ZNF821: variants seen among roughly 807,000 people sequenced by gnomAD.
The protein encoded by ZNF821 is zinc finger protein 821.
Under a neutral mutation model 44.3 loss-of-function variants are expected in ZNF821, and 16 were observed. The ratio of observed to expected loss-of-function variants is 0.36; its 90% CI spans 0.24 to 0.55. The LOEUF is 0.55. ZNF821 is among the 20% of genes least tolerant of loss of function. ZNF821 has a pLI of 0.86. For missense variants in ZNF821, 436 were observed against 547.6 expected (o/e 0.80, Z 2.03); for synonymous variants, 204 against 197.6 (o/e 1.03, Z -0.27).
At position 71,861,113 on chromosome 16, in the gene ZNF821, C is replaced by CA. The variant is rs1470029728; in HGVS notation, c.585-442dup. The stretch of plus-strand genomic sequence containing the variant: ...TTGTGATCCACCCGCCTCGGCCTCC[C>CA]AAAGTGCTGGGATTACAGGCGTGAG... On this transcript the variant is annotated intron_variant, in intron 7 of 7. Transcript: ENST00000425432. Among the ~76,000 whole-genome samples, 17 of 152,266 alleles carry CA rather than the reference C, an allele frequency of 1.1e-4. No individual in the cohort carries two copies. The East Asian group carries it at 3.3e-3, about 29-fold the overall frequency.
chr16:71,869,049 C>G (rs2034884003), intron 3 of ZNF821, among the ~76,000 whole-genome samples: 1 of 152,078 alleles, frequency 6.6e-6, no homozygotes, highest in Admixed American at 6.6e-5. Flanking sequence ...TGCTTGGGAT[C>G]CATGAGGCTA....
chr16:71,859,973 G>C lies in ZNF821; in HGVS notation c.*45C>G, dbSNP rs752039562. The C allele has an allele frequency of 4.7e-6, 7 of 1,503,596 alleles. No individual in the cohort carries two copies. The highest frequency in any genetic ancestry group is 2.1e-5 in the Admixed American group (1 of 47,802). 93.1% of individuals were successfully genotyped at this position (1,503,596 alleles called of 1,614,324 possible). A position where few individuals can be genotyped will look rare whatever the true frequency, so the allele number is the denominator to read the frequency against. On this transcript the variant is annotated 3_prime_UTR_variant, in exon 8 of 8. Coordinates refer to ENST00000425432, the MANE Select transcript of ZNF821 (RefSeq NM_001201552.2). ...GGTCCTCGTGGCTGTGGGTGTGGGT[G>C]GGTGGGTAGGTAGGTGGGAAGGAGG... is the stretch of plus-strand genomic sequence containing the variant.
At chr16:71,869,496 T>C (rs2142391968) in intron 3 of ZNF821, among the ~76,000 whole-genome samples, 2 of 152,364 alleles carry the variant, frequency 1.3e-5, no homozygotes, top group East Asian at 3.9e-4. Context: ...CCAGGCTCTA[T>C]GGTGTTTTGT....
In ZNF821 at chr16:71,864,807, T is replaced by C. The variant is rs905418222; in HGVS notation, c.312+96A>G. On this transcript the variant is annotated intron_variant, in intron 5 of 7. Transcript: ENST00000425432. ...CCTCCCATGCAGGCCCAGGAGACCA[T>C]CAGAGGCAAGACTGTGCCACAGGGG... is the stretch of plus-strand genomic sequence containing the variant. 2.7e-5 allele frequency: 41 copies of C among 1,511,460 alleles called. 1 individual carries two copies. In the South Asian group the frequency reaches 5.2e-4, roughly 19 times the overall value. 93.6% of individuals were successfully genotyped at this position (1,511,460 alleles called of 1,614,324 possible). A position where few individuals can be genotyped will look rare whatever the true frequency, so the allele number is the denominator to read the frequency against.
At chr16:71,893,641 A>G (rs2036907572) in intron 1 of ZNF821, among the ~76,000 whole-genome samples, 1 of 140,912 alleles carries the variant, frequency 7.1e-6, no homozygotes, top group Non-Finnish European at 1.5e-5. Flanking sequence ...TTGTATTTTT[A>G]GTAGAGACGG....
intron 7 of ZNF821, 82 bp downstream of exon 7, chr16:71,861,694 T>C (rs2033915815): frequency 6.4e-7 from 1 of 1,564,256 alleles, no homozygotes; most frequent in African/African-American, 1.3e-5. Flanking sequence ...TACCTATTTC[T>C]AGCCTTCGCT....
In ZNF821 at chr16:71,859,831, G is replaced by A; in HGVS notation, c.*187C>T. ...CTTGTCCAGAGCTGCCTTGAGCCAG[G>A]TCCCTCCTGACCCCATCATCCTGTT... On this transcript the variant is annotated 3_prime_UTR_variant, in exon 8 of 8. Transcript: ENST00000425432. The A allele has an allele frequency of 1.5e-6, 1 of 670,180 alleles. No homozygotes were observed. Among genetic ancestry groups the A allele is most frequent in the Non-Finnish European group, 2.5e-6 (1 of 406,590 alleles). 41.5% of individuals were successfully genotyped at this position (670,180 alleles called of 1,614,324 possible). A position where few individuals can be genotyped will look rare whatever the true frequency, so the allele number is the denominator to read the frequency against.
chr16:71,894,621 G>A, intron 1 of ZNF821: 1 of 516,302 alleles, frequency 1.9e-6, no homozygotes, highest in South Asian at 2.2e-5. Flanking sequence ...GACCTTCTGG[G>A]CTCAAGCGAT....
intron 6 of ZNF821, 142 bp downstream of exon 6, chr16:71,863,996 C>G: frequency 1.4e-6 from 1 of 736,314 alleles, no homozygotes. Flanking sequence ...CTGCGCCCAG[C>G]CTCCCTAAGA....
At chr16:71,889,265 A>C (rs1040850748), upstream of ZNF821, among the ~76,000 whole-genome samples, 4 of 152,144 alleles carry the variant, frequency 2.6e-5, no homozygotes, top group African/African-American at 9.7e-5. Flanking sequence ...ATGAAAAGAA[A>C]ATATATGATG....
intron 3 of ZNF821, among the ~76,000 whole-genome samples, chr16:71,869,845 C>T (rs2034989861): frequency 6.6e-6 from 1 of 152,046 alleles, no homozygotes; most frequent in Admixed American, 6.6e-5. Flanking sequence ...CTGTGTTGTC[C>T]AGGCTGATCT....
intron 1 of ZNF821, among the ~76,000 whole-genome samples, chr16:71,889,982 A>G (rs191533844): frequency 1.3e-5 from 2 of 152,134 alleles, no homozygotes; most frequent in Admixed American, 1.3e-4. Flanking sequence ...AAACAAAAAC[A>G]AAAAAATGAT....
upstream of ZNF821, chr16:71,885,460 G>A (rs1297982303): frequency 6.6e-6 from 1 of 152,234 alleles, no homozygotes. Flanking sequence ...TTTACTCTCC[G>A]AGGGTTGTTG....
chr16:71,860,107 A>G lies in ZNF821; in HGVS notation c.1150T>C (p.Phe384Leu), dbSNP rs1448520317. The change falls in exon 8 of 8, where the codon TTC becomes CTC. Residue 384 changes from phenylalanine to leucine, a missense_variant. By Grantham distance (22) the Phe-to-Leu change is conservative. Around this residue, in one of 5 missense-constraint regions of ZNF821, gnomAD observed 55 missense variants for 56.9 expected, o/e 0.97. Transcript: ENST00000425432. The surrounding 1 kb of genome is among the most constrained non-coding windows in gnomAD (Gnocchi z 7.3). Reference sequence around the variant, plus strand: ...TCCACCCCACTTACAGGCAGCTGGAAGAAGTTCATTTCAGCTGCTAAGGCT... The same window carrying G: ...TCCACCCCACTTACAGGCAGCTGGAGGAAGTTCATTTCAGCTGCTAAGGCT... ...MAALAAEMNF[F>L]QLPVSGVELD... 1 of 1,614,252 alleles carries G rather than the reference A, an allele frequency of 6.2e-7. No individual in the cohort carries two copies. Among genetic ancestry groups the G allele is most frequent in the Non-Finnish European group, 8.5e-7 (1 of 1,180,034 alleles).
intron 2 of ZNF821, among the ~76,000 whole-genome samples, chr16:71,881,027 A>T (rs2036366488): frequency 6.6e-6 from 1 of 152,210 alleles, no homozygotes; most frequent in Non-Finnish European, 1.5e-5. Context: ...TCTTAGAAAG[A>T]GTGAATAAAG....
chr16:71,870,634 C>G (rs1016218204), intron 3 of ZNF821, among the ~76,000 whole-genome samples: 1 of 151,990 alleles, frequency 6.6e-6, no homozygotes, highest in African/African-American at 2.4e-5. Context: ...TGCCCAGTAC[C>G]ACGCCTGGCT....
At chr16:71,863,199 GTTAACTAATTTTCTTTTCT>G (rs2142353506) in intron 6 of ZNF821, among the ~76,000 whole-genome samples, 1 of 151,970 alleles carries the variant, frequency 6.6e-6, no homozygotes, top group Non-Finnish European at 1.5e-5. Context: ...CCTGGCCCAT[GTTAACTAATTTTCTTTTCT>G]TTAACACAAA....
In ZNF821 at chr16:71,860,430, C is replaced by A; in HGVS notation, c.827G>T (p.Arg276Leu). ...PLEVRLQRLE[R>L]ERTAKKSRRD... is the part of the protein sequence containing the mutation. ...CCGGCTCTTCTTGGCCGTGCGCTCTCGTTCCAGCCGCTGCAGCCGTACTTC... is the reference window on the plus strand; with the variant it reads ...CCGGCTCTTCTTGGCCGTGCGCTCTAGTTCCAGCCGCTGCAGCCGTACTTC... The change falls in exon 8 of 8, where the codon CGA becomes CTA. Residue 276 changes from arginine to leucine, a missense_variant. Around this residue, in one of 5 missense-constraint regions of ZNF821, gnomAD observed 68 missense variants for 57.0 expected, o/e 1.19. Coordinates refer to ENST00000425432, the MANE Select transcript of ZNF821 (RefSeq NM_001201552.2). This position sits in a 1 kb window ranked among gnomAD's most constrained non-coding sequence, Gnocchi z 7.3. 6.2e-7 allele frequency: 1 copy of A among 1,613,614 alleles called. No individual in the cohort carries two copies. Among genetic ancestry groups the A allele is most frequent in the Middle Eastern group, 1.6e-4 (1 of 6,062 alleles).
exon 1 of ZNF821, chr16:71,894,962 A>T: frequency 1.2e-6 from 1 of 850,332 alleles, no homozygotes; most frequent in African/African-American, 1.7e-5. Flanking sequence ...CACAGACCGG[A>T]GCGATGCTGG....
Sources: gnomAD v4.1 joint callset for allele counts (sites outside exome capture counted in the v4.1 genomes callset) on GRCh38, gnomAD v4.1.1 for gene constraint, gnomAD v4.1.1 regional missense constraint, Gnocchi (gnomAD v3.1) non-coding constraint, MANE v1.5 for transcripts, NCBI Gene and HGNC (gene_info 2026-07-23, HGNC 2026-07-21) for gene names.